LRRC8C: variants seen among roughly 807,000 people sequenced by gnomAD.
LRRC8C encodes leucine rich repeat containing 8 VRAC subunit C.
Under a neutral mutation model 55.3 loss-of-function variants are expected in LRRC8C, and 20 were observed. That is an observed-to-expected ratio of 0.36 (90% CI 0.25 to 0.53). The LOEUF (loss-of-function observed/expected upper bound fraction) is 0.53. LRRC8C is among the 20% of genes least tolerant of loss of function. The probability of loss-of-function intolerance (pLI) is 0.92; values close to 1 mark genes in which losing one functional copy is unlikely to be tolerated. For synonymous variants in LRRC8C, 376 were observed against 360.7 expected (o/e 1.04, Z -0.48); for missense variants, 659 against 951.4 (o/e 0.69, Z 4.04).
intron 1 of LRRC8C, among the ~76,000 whole-genome samples, chr1:89,666,288 A>G (rs1657260101): frequency 1.3e-5 from 2 of 152,182 alleles, no homozygotes; most frequent in African/African-American, 2.4e-5. Context: ...AGTAGAGGAA[A>G]AAACATGATA....
At chr1:89,639,312 G>A (rs1187766910) in intron 1 of LRRC8C, among the ~76,000 whole-genome samples, 2 of 152,124 alleles carry the variant, frequency 1.3e-5, no homozygotes, top group Non-Finnish European at 2.9e-5. Flanking sequence ...GAAACACTGC[G>A]TTCCATAACT....
upstream of LRRC8C, chr1:89,632,233 G>A (rs896531785): frequency 2.6e-5 from 4 of 152,160 alleles, no homozygotes; most frequent in African/African-American, 9.7e-5. Flanking sequence ...GGAAAATGGG[G>A]AGAAGAAAAG....
chr1:89,680,865 A>G (rs1034157198), intron 1 of LRRC8C, among the ~76,000 whole-genome samples: 6 of 152,140 alleles, frequency 3.9e-5, no homozygotes, highest in Admixed American at 2.0e-4. Context: ...CCAGCCTACA[A>G]TAAGTATTTT....
intron 2 of LRRC8C, among the ~76,000 whole-genome samples, chr1:89,698,232 T>C (rs753749930): frequency 1.3e-5 from 2 of 152,172 alleles, no homozygotes; most frequent in African/African-American, 2.4e-5. Flanking sequence ...CAGAAGAAGG[T>C]AGCTAGAGGT....
At chr1:89,663,153 C>T (rs1015609275) in intron 1 of LRRC8C, among the ~76,000 whole-genome samples, 2 of 152,236 alleles carry the variant, frequency 1.3e-5, no homozygotes, top group Admixed American at 1.3e-4. Context: ...GACATGAACT[C>T]AGCCTTTTTT....
chr1:89,696,331 A>G (rs1658171365), intron 2 of LRRC8C, among the ~76,000 whole-genome samples: 1 of 152,208 alleles, frequency 6.6e-6, no homozygotes, highest in African/African-American at 2.4e-5. Flanking sequence ...TAAGCTCTGA[A>G]AAATCTACGT....
At chr1:89,710,137 C>T (rs1658609198) in intron 2 of LRRC8C, among the ~76,000 whole-genome samples, 1 of 152,194 alleles carries the variant, frequency 6.6e-6, no homozygotes, top group African/African-American at 2.4e-5. Flanking sequence ...GAAGCACATT[C>T]CTTTTCCCTG....
chr1:89,661,919 T>G (rs914015100), intron 1 of LRRC8C, among the ~76,000 whole-genome samples: 2 of 152,046 alleles, frequency 1.3e-5, no homozygotes, highest in African/African-American at 4.8e-5. Flanking sequence ...GGTTGCAATC[T>G]GGGTAAATTT....
intron 1 of LRRC8C, among the ~76,000 whole-genome samples, chr1:89,647,193 A>G (rs923913319): frequency 2.6e-5 from 4 of 152,228 alleles, no homozygotes; most frequent in East Asian, 1.9e-4. Context: ...TGTAAGTACC[A>G]TATCCTGGAT....
intron 2 of LRRC8C, among the ~76,000 whole-genome samples, chr1:89,704,913 C>G (rs1316424135): frequency 6.6e-6 from 1 of 151,962 alleles, no homozygotes; most frequent in African/African-American, 2.4e-5. Context: ...CCCAACCATC[C>G]CATTACTGGG....
chr1:89,668,467 T>C (rs1020934766), intron 1 of LRRC8C, among the ~76,000 whole-genome samples: 4 of 152,226 alleles, frequency 2.6e-5, no homozygotes, highest in African/African-American at 9.6e-5. Flanking sequence ...TTCCTCAGAC[T>C]GGATTTCTCT....
At chr1:89,672,201 T>G (rs1157610965) in intron 1 of LRRC8C, among the ~76,000 whole-genome samples, 1 of 152,216 alleles carries the variant, frequency 6.6e-6, no homozygotes, top group African/African-American at 2.4e-5. Context: ...CCTAGCTAAC[T>G]GTTACTACTT....
intron 1 of LRRC8C, among the ~76,000 whole-genome samples, chr1:89,684,444 GA>G (rs1201116454): frequency 6.6e-6 from 1 of 152,208 alleles, no homozygotes; most frequent in Non-Finnish European, 1.5e-5. Context: ...ATAAGCATCA[GA>G]ATTTATTCAA....
At chr1:89,692,291 T>C (rs1658048105) in intron 2 of LRRC8C, among the ~76,000 whole-genome samples, 1 of 152,248 alleles carries the variant, frequency 6.6e-6, no homozygotes, top group African/African-American at 2.4e-5. Flanking sequence ...TATATTGGAA[T>C]ACATGACAAG....
intron 1 of LRRC8C, among the ~76,000 whole-genome samples, chr1:89,678,339 T>C (rs1336336217): frequency 1.3e-5 from 2 of 152,224 alleles, no homozygotes; most frequent in Non-Finnish European, 2.9e-5. Context: ...ATGAACACAA[T>C]AGAACTGAAA....
At chr1:89,657,565 AC>A (rs1366639786) in intron 1 of LRRC8C, among the ~76,000 whole-genome samples, 2 of 151,774 alleles carry the variant, frequency 1.3e-5, no homozygotes, top group East Asian at 3.9e-4. Flanking sequence ...ATATGGTGAA[AC>A]CCCGTCTCTA....
At chr1:89,633,429 T>G (rs1656184992) in intron 1 of LRRC8C, 107 bp downstream of exon 1, 1 of 152,546 alleles carries the variant, frequency 6.6e-6, no homozygotes, top group Non-Finnish European at 1.5e-5. Context: ...CTCACTCGCG[T>G]CCTTGCTTCC....
Position 89,716,367 on chromosome 1 carries a change from A to T in LRRC8C, c.*1385A>T, listed in dbSNP as rs1321188903. On this transcript the variant is annotated 3_prime_UTR_variant, in exon 3 of 3. Coordinates refer to ENST00000370454, the MANE Select transcript of LRRC8C (RefSeq NM_032270.5). The stretch of plus-strand genomic sequence containing the variant: ...TTCCCTCAAGCCTGCCCTTGCTGTG[A>T]ACTAGTGCTACAAGCACGGGAAATC... 6.6e-6 allele frequency: 1 copy of T among 152,206 alleles called. No homozygotes were observed. Among genetic ancestry groups the T allele is most frequent in the African/African-American group, 2.4e-5 (1 of 41,456 alleles). The allele number at this position is 152,206 out of a possible 1,614,324, so 9.4% of individuals were successfully genotyped here. A position where few individuals can be genotyped will look rare whatever the true frequency, so the allele number is the denominator to read the frequency against.
chr1:89,660,730 C>T (rs988664680), intron 1 of LRRC8C, among the ~76,000 whole-genome samples: 1 of 152,160 alleles, frequency 6.6e-6, no homozygotes, highest in African/African-American at 2.4e-5. Flanking sequence ...GCAAAAGAAC[C>T]TTTCTCATCC....
Sources: gnomAD v4.1 joint callset for allele counts (sites outside exome capture counted in the v4.1 genomes callset) on GRCh38, gnomAD v4.1.1 for gene constraint, MANE v1.5 for transcripts, NCBI Gene and HGNC (gene_info 2026-07-23, HGNC 2026-07-21) for gene names.